Variants in SLC45A1 observed in about 807,000 individuals in gnomAD.
The protein encoded by SLC45A1 is solute carrier family 45 member 1, also known as proton-associated sugar transporter A.
SLC45A1 carries 28 observed loss-of-function variants against 57.6 expected under a neutral mutation model. The observed-to-expected ratio is 0.49, with a 90% CI of 0.36 to 0.67. The LOEUF is 0.67. SLC45A1 is among the 30% of genes least tolerant of loss of function. The pLI is 0.00. For missense variants in SLC45A1, 814 were observed against 1,041.5 expected, an observed-to-expected ratio of 0.78 and a Z score of 3.01; for synonymous variants, 459 against 471.5, an observed-to-expected ratio of 0.97 and a Z score of 0.34.
chr1:8,344,103 G>T lies in SLC45A1; in HGVS notation c.*90G>T, dbSNP rs568136018. 97 of 1,249,232 alleles carry T rather than the reference G, an allele frequency of 7.8e-5. No individual in the cohort carries two copies. The South Asian group carries it at 1.4e-3, about 18-fold the overall frequency. 77.4% of individuals were successfully genotyped at this position (1,249,232 alleles called of 1,614,324 possible). On this transcript the variant is annotated 3_prime_UTR_variant, in exon 9 of 9. Transcript: ENST00000471889. Reference sequence around the variant, plus strand: ...AGGACCAAAGGGCCTTGTTGGACAGGGGGACTGGCTGCCTACTGGAATGTA... The same window carrying T: ...AGGACCAAAGGGCCTTGTTGGACAGTGGGACTGGCTGCCTACTGGAATGTA...
At chr1:8,336,891 TG>T (rs1397297442) in intron 6 of SLC45A1, among the ~76,000 whole-genome samples, 1 of 152,234 alleles carries the variant, frequency 6.6e-6, no homozygotes, top group East Asian at 1.9e-4. Context: ...CATCCATGTC[TG>T]TGCTTCCCGG....
At position 8,330,325 on chromosome 1, in the gene SLC45A1, A is replaced by G. The variant is rs1640348295; in HGVS notation, c.832A>G (p.Ser278Gly). 1.1e-5 allele frequency: 17 copies of G among 1,613,282 alleles called. No homozygotes were observed. The highest frequency in any genetic ancestry group is 1.4e-5 in the Non-Finnish European group (17 of 1,179,966). The change falls in exon 5 of 9, where the codon AGC becomes GGC. Residue 278 changes from serine to glycine, a missense_variant. Coordinates refer to ENST00000471889, the MANE Select transcript of SLC45A1 (RefSeq NM_001080397.3). The surrounding 1 kb of genome is among the most constrained non-coding windows in gnomAD (Gnocchi z 8.4). ...VIYLFTAVTL[S>G]VTTVLTLVSI... ...TTACCTCTTCACTGCGGTCACCCTG[A>G]GCGTCACCACCGTCCTGACCCTGGT...
intron 8 of SLC45A1, among the ~76,000 whole-genome samples, chr1:8,341,204 A>C (rs1181654667): frequency 1.3e-5 from 2 of 149,986 alleles, no homozygotes; most frequent in Non-Finnish European, 3.0e-5. Context: ...CGTTTCAAAA[A>C]AAAAAAAAAA....
Position 8,338,038 on chromosome 1 carries a change from G to A in SLC45A1, c.1774+46G>A, listed in dbSNP as rs1640679083. 7 of 1,583,256 alleles carry A rather than the reference G, an allele frequency of 4.4e-6. No homozygotes were observed. In the African/African-American group the frequency reaches 6.7e-5, roughly 15 times the overall value. On this transcript the variant is annotated intron_variant, in intron 7 of 8. Coordinates refer to ENST00000471889, the MANE Select transcript of SLC45A1 (RefSeq NM_001080397.3). ...TGGCACGGCAGTGAGAGCTTTGGTT[G>A]GGTCCATGGAGCATGCGAAATGAAG...
Position 8,344,057 on chromosome 1 carries a change from T to C in SLC45A1, c.*44T>C, listed in dbSNP as rs1345394428. 1.3e-6 allele frequency: 2 copies of C among 1,564,358 alleles called. No individual in the cohort carries two copies. The highest frequency in any genetic ancestry group is 8.7e-7 in the Non-Finnish European group (1 of 1,153,448). The stretch of plus-strand genomic sequence containing the variant: ...CCGGACACGCGCCTGCACCTGGGGG[T>C]CTGGAGCAGGCCGACCAGTGAGGAC... On this transcript the variant is annotated 3_prime_UTR_variant, in exon 9 of 9. Coordinates refer to ENST00000471889, the MANE Select transcript of SLC45A1 (RefSeq NM_001080397.3).
Position 8,330,722 on chromosome 1 carries a change from G to A in SLC45A1, c.1229G>A (p.Gly410Asp), listed in dbSNP as rs1308649610. 1.9e-6 allele frequency: 3 copies of A among 1,613,174 alleles called. No homozygotes were observed. Among genetic ancestry groups the A allele is most frequent in the Middle Eastern group, 1.6e-4 (1 of 6,062 alleles). The change falls in exon 5 of 9, where the codon GGC becomes GAC. Residue 410 changes from glycine (G) to aspartate (D), a missense_variant. Transcript: ENST00000471889. The surrounding 1 kb of genome is among the most constrained non-coding windows in gnomAD (Gnocchi z 8.4). ...GTCAGCTTCCCCCGGGCCCCCGACG[G>A]CTTCTACCGCCAGGACCGTGGACTT... The part of the protein sequence containing the change: ...ISVSFPRAPD[G>D]FYRQDRGLLE...
intron 1 of SLC45A1, among the ~76,000 whole-genome samples, chr1:8,321,631 T>C (rs1569922596): frequency 6.6e-6 from 1 of 152,276 alleles, no homozygotes; most frequent in Middle Eastern, 3.4e-3. Context: ...TCAGATGAAT[T>C]GGAGGCTGGG....
Position 8,325,257 on chromosome 1 carries a change from A to C in SLC45A1, c.398-41A>C. The C allele has an allele frequency of 7.2e-7, 1 of 1,392,512 alleles. No homozygotes were observed. The highest frequency in any genetic ancestry group is 1.0e-6 in the Non-Finnish European group (1 of 979,772). The allele number at this position is 1,392,512 out of a possible 1,614,324, so 86.3% of individuals were successfully genotyped here. A position where few individuals can be genotyped will look rare whatever the true frequency, so the allele number is the denominator to read the frequency against. ...GGCTGATTCGATGTCCCCATGTGCC[A>C]TGGGGACCCTGGCAATGACCGCTGG... On this transcript the variant is annotated intron_variant, in intron 2 of 8. Transcript: ENST00000471889. This position sits in a 1 kb window ranked among gnomAD's most constrained non-coding sequence, Gnocchi z 6.3.
intron 5 of SLC45A1, 95 bp downstream of exon 5, chr1:8,331,031 A>G (rs1640391017): frequency 6.9e-7 from 1 of 1,450,756 alleles, no homozygotes. Flanking sequence ...CCCTCCAGGA[A>G]GAAATTCCCG....
intron 8 of SLC45A1, among the ~76,000 whole-genome samples, chr1:8,341,751 T>A (rs939972748): frequency 1.3e-5 from 2 of 150,120 alleles, no homozygotes; most frequent in Admixed American, 6.6e-5. Flanking sequence ...GACGAAACCA[T>A]GTCTACTAAA....
In SLC45A1 at chr1:8,326,023, C is replaced by T; in HGVS notation, c.696C>T (p.Asn232=). 6.2e-7 allele frequency: 1 copy of T among 1,604,280 alleles called. No individual in the cohort carries two copies. Among genetic ancestry groups the T allele is most frequent in the South Asian group, 1.1e-5 (1 of 91,062 alleles). Residue 232 remains asparagine, a synonymous_variant, in exon 4 of 9, where the codon AAC becomes AAT. Transcript: ENST00000471889. This position sits in a 1 kb window ranked among gnomAD's most constrained non-coding sequence, Gnocchi z 5.5. ...CSPADQDRGL[N]IHALLAGLGG... ...CCGCAGACCAGGACCGAGGCCTGAACATCCACGCCCTCCTGGCAGGTGAGT... is the reference window on the plus strand; with the variant it reads ...CCGCAGACCAGGACCGAGGCCTGAATATCCACGCCCTCCTGGCAGGTGAGT...
chr1:8,330,129 T>C lies in SLC45A1; in HGVS notation c.716-80T>C. 6 of 1,531,382 alleles carry C rather than the reference T, an allele frequency of 3.9e-6. No individual in the cohort carries two copies. The East Asian group carries it at 1.1e-4, about 29-fold the overall frequency. 94.9% of individuals were successfully genotyped at this position (1,531,382 alleles called of 1,614,324 possible). A position where few individuals can be genotyped will look rare whatever the true frequency, so the allele number is the denominator to read the frequency against. On this transcript the variant is annotated intron_variant, in intron 4 of 8. Coordinates refer to ENST00000471889, the MANE Select transcript of SLC45A1 (RefSeq NM_001080397.3). This position sits in a 1 kb window ranked among gnomAD's most constrained non-coding sequence, Gnocchi z 8.4. ...CCTGGAATGGCCTTGGCTACCTTCA[T>C]GTCCTTCTAAGAACGGGGCCACCGC...
intron 5 of SLC45A1, among the ~76,000 whole-genome samples, chr1:8,332,506 G>A (rs928261431): frequency 6.6e-6 from 1 of 151,638 alleles, no homozygotes; most frequent in African/African-American, 2.4e-5. Flanking sequence ...GGGTTTCACG[G>A]GCTGATTTTT....
At chr1:8,334,736 A>G (rs10864350) in intron 5 of SLC45A1, among the ~76,000 whole-genome samples, 38,466 of 151,920 alleles carry the variant, frequency 0.25, 6,095 homozygotes, top group East Asian at 0.67. Flanking sequence ...ACGAAATAAC[A>G]AGCTCCCCTG....
Position 8,324,294 on chromosome 1 carries a change from C to A in SLC45A1, c.-24-12C>A. The A allele has an allele frequency of 6.3e-7, 1 of 1,599,056 alleles. No homozygotes were observed. Among genetic ancestry groups the A allele is most frequent in the Non-Finnish European group, 8.5e-7 (1 of 1,171,674 alleles). On this transcript the variant is annotated splice_polypyrimidine_tract_variant and intron_variant, in intron 1 of 8. Transcript: ENST00000471889. ...AAAGTAACTGTGGCCTCCCCACGGG[C>A]TTTCCTCACAGGGACGCCCACCAGC...
chr1:8,332,275 G>A (rs1483396302), intron 5 of SLC45A1, among the ~76,000 whole-genome samples: 1 of 152,202 alleles, frequency 6.6e-6, no homozygotes, highest in Admixed American at 6.5e-5. Context: ...CTTCATGGAC[G>A]GTGGAAACAA....
rs1328095180 is a variant in SLC45A1 at position 8,330,851 on chromosome 1, G to A, written c.1358G>A (p.Arg453Lys). Residue 453 changes from arginine (R) to lysine (K), a missense_variant, in exon 5 of 9, where the codon AGA (arginine) becomes AAA (lysine). Arg to Lys is a conservative substitution (Grantham distance 26). Coordinates refer to ENST00000471889, the MANE Select transcript of SLC45A1 (RefSeq NM_001080397.3). The surrounding 1 kb of genome is among the most constrained non-coding windows in gnomAD (Gnocchi z 8.4). ...SKPRSSGILK[R>K]PQTLAIPDAA... The stretch of plus-strand genomic sequence containing the variant: ...CCGAGGTCATCAGGGATTCTGAAGA[G>A]ACCTCAGACCTTGGCCATCCCGGAC... 1 of 1,612,452 alleles carries A rather than the reference G, an allele frequency of 6.2e-7. No individual in the cohort carries two copies. The highest frequency in any genetic ancestry group is 8.5e-7 in the Non-Finnish European group (1 of 1,179,340).
At chr1:8,342,011 T>G (rs906573380) in intron 8 of SLC45A1, among the ~76,000 whole-genome samples, 3 of 151,994 alleles carry the variant, frequency 2.0e-5, no homozygotes, top group Non-Finnish European at 4.4e-5. Flanking sequence ...ATCGAGACCA[T>G]CCTGGCTAAC....
chr1:8,341,009 A>G (rs1396060959), intron 8 of SLC45A1, among the ~76,000 whole-genome samples: 2 of 151,902 alleles, frequency 1.3e-5, no homozygotes, highest in African/African-American at 2.4e-5. Flanking sequence ...TGGCTAACAC[A>G]GTGAAACCCC....
Sources: gnomAD v4.1 joint callset for allele counts (sites outside exome capture counted in the v4.1 genomes callset) on GRCh38, gnomAD v4.1.1 for gene constraint, Gnocchi (gnomAD v3.1) non-coding constraint, MANE v1.5 for transcripts, NCBI Gene and HGNC (gene_info 2026-07-23, HGNC 2026-07-21) for gene names.